The following MACROD2 variants were observed in gnomAD, a reference collection of about 807,000 sequenced individuals.
The protein encoded by MACROD2 is ADP-ribose glycohydrolase MACROD2.
MACROD2 carries 36 observed loss-of-function variants against 70.4 expected under a neutral mutation model. The ratio of observed to expected loss-of-function variants is 0.51; its 90% CI spans 0.39 to 0.68. MACROD2 has a LOEUF of 0.68. Ranked by LOEUF, MACROD2 falls within the 30% of genes least tolerant of loss-of-function variation. The pLI, the probability that MACROD2 is intolerant of heterozygous loss-of-function variation, is 0.00. For synonymous variants in MACROD2, 172 were observed against 178.8 expected (o/e 0.96, Z 0.30); for missense variants, 496 against 538.4 (o/e 0.92, Z 0.78).
chr20:15,536,443 G>C (rs2047876016), intron 8 of MACROD2, among the ~76,000 whole-genome samples: 1 of 152,162 alleles, frequency 6.6e-6, no homozygotes, highest in African/African-American at 2.4e-5. Flanking sequence ...AAGAAATAAG[G>C]AAGCTGCATG....
intron 11 of MACROD2, among the ~76,000 whole-genome samples, chr20:15,935,379 G>A (rs1018094745): frequency 3.9e-5 from 6 of 152,176 alleles, no homozygotes; most frequent in African/African-American, 1.2e-4. Context: ...CCTGGCCAGT[G>A]TCAACACACA....
chr20:15,650,952 A>G (rs1318280965), intron 8 of MACROD2, among the ~76,000 whole-genome samples: 1 of 152,206 alleles, frequency 6.6e-6, no homozygotes, highest in African/African-American at 2.4e-5. Flanking sequence ...TAGCCTTTCT[A>G]TCTGCTCTTG....
intron 5 of MACROD2, among the ~76,000 whole-genome samples, chr20:14,865,279 G>C (rs1014765985): frequency 7.9e-5 from 12 of 152,082 alleles, no homozygotes; most frequent in Non-Finnish European, 1.3e-4. Context: ...CAAGGTTCCA[G>C]CTTACTCCAT....
At position 14,712,776 on chromosome 20, in the gene MACROD2, A is replaced by G. The variant is rs1372123850; in HGVS notation, c.418+27817A>G. On this transcript the variant is annotated intron_variant, in intron 5 of 17. Coordinates refer to ENST00000684519, the MANE Select transcript of MACROD2 (RefSeq NM_001351661.2). ...TTTTGATTTTTAATCTCACTCAGTT[A>G]GACTGTTGGGAAGAGAATACAATAG... Among the ~76,000 whole-genome samples the G allele has an allele frequency of 5.3e-5, 8 of 152,090 alleles. No individual in the cohort carries two copies. The East Asian group carries it at 1.5e-3, about 29-fold the overall frequency.
intron 13 of MACROD2, among the ~76,000 whole-genome samples, chr20:15,983,550 T>C (rs1015798508): frequency 2.0e-5 from 3 of 152,158 alleles, no homozygotes; most frequent in Admixed American, 2.0e-4. Context: ...AGACACAAAG[T>C]GAACTTAGTG....
intron 5 of MACROD2, among the ~76,000 whole-genome samples, chr20:15,109,562 G>C (rs910404972): frequency 5.3e-5 from 8 of 152,152 alleles, no homozygotes; most frequent in Non-Finnish European, 1.0e-4. Context: ...TATGTCATTT[G>C]TAGAGGCAGG....
chr20:15,524,996 G>A (rs1464823545), intron 8 of MACROD2, among the ~76,000 whole-genome samples: 1 of 152,132 alleles, frequency 6.6e-6, no homozygotes, highest in Non-Finnish European at 1.5e-5. Context: ...GTTCTTTCTG[G>A]TATTGGCTCT....
intron 4 of MACROD2, among the ~76,000 whole-genome samples, chr20:14,553,669 G>A (rs1978822136): frequency 6.6e-6 from 1 of 151,926 alleles, no homozygotes; most frequent in African/African-American, 2.4e-5. Flanking sequence ...TAATCTTATG[G>A]GATCACCTTG....
chr20:15,868,823 G>C (rs1328972501), intron 9 of MACROD2, among the ~76,000 whole-genome samples: 1 of 151,968 alleles, frequency 6.6e-6, no homozygotes, highest in Non-Finnish European at 1.5e-5. Flanking sequence ...CATCTAGACT[G>C]GAGCGCAGTA....
At chr20:15,686,116 A>T (rs1233616335) in intron 8 of MACROD2, among the ~76,000 whole-genome samples, 1 of 152,226 alleles carries the variant, frequency 6.6e-6, no homozygotes, top group Non-Finnish European at 1.5e-5. Context: ...AGACAATGAG[A>T]TGATTGATGG....
At chr20:16,010,256 A>G (rs1048665006) in intron 15 of MACROD2, among the ~76,000 whole-genome samples, 7 of 152,170 alleles carry the variant, frequency 4.6e-5, no homozygotes, top group Non-Finnish European at 1.0e-4. Flanking sequence ...ACAGCACTAC[A>G]CAGCCTAATT....
At chr20:15,320,022 A>C (rs902071596) in intron 6 of MACROD2, among the ~76,000 whole-genome samples, 17 of 152,216 alleles carry the variant, frequency 1.1e-4, no homozygotes, top group Non-Finnish European at 2.1e-4. Context: ...CAGCCTGGCC[A>C]ACATGGTGAA....
At chr20:14,403,308 C>T (rs995055693) in intron 3 of MACROD2, among the ~76,000 whole-genome samples, 9 of 152,058 alleles carry the variant, frequency 5.9e-5, no homozygotes, top group Non-Finnish European at 1.2e-4. Flanking sequence ...ACTTTATTTA[C>T]AAAAAATTGT....
chr20:14,887,453 C>T (rs1415406469), intron 5 of MACROD2, among the ~76,000 whole-genome samples: 1 of 149,866 alleles, frequency 6.7e-6, no homozygotes, highest in Non-Finnish European at 1.5e-5. Context: ...AGTGCAGTGG[C>T]ATGATGTCGG....
intron 9 of MACROD2, among the ~76,000 whole-genome samples, chr20:15,884,319 C>G (rs935445550): frequency 1.1e-4 from 17 of 152,050 alleles, no homozygotes; most frequent in African/African-American, 4.1e-4. Flanking sequence ...GCATTGCTAG[C>G]AGGACCAAGG....
intron 5 of MACROD2, among the ~76,000 whole-genome samples, chr20:15,128,765 C>T (rs1345058951): frequency 6.6e-6 from 1 of 151,962 alleles, no homozygotes; most frequent in Non-Finnish European, 1.5e-5. Flanking sequence ...CATTCACCCA[C>T]ACACTCTTTT....
At chr20:15,184,039 A>T (rs1449254653) in intron 5 of MACROD2, among the ~76,000 whole-genome samples, 1 of 152,204 alleles carries the variant, frequency 6.6e-6, no homozygotes, top group Non-Finnish European at 1.5e-5. Flanking sequence ...AAGGGATCAG[A>T]TGCTACTCAG....
intron 3 of MACROD2, among the ~76,000 whole-genome samples, chr20:14,106,349 A>T (rs1232631352): frequency 3.9e-5 from 6 of 152,156 alleles, no homozygotes; most frequent in Non-Finnish European, 8.8e-5. Flanking sequence ...GAAGGACTTT[A>T]TCTTGTGGTT....
At chr20:15,121,541 A>G (rs563833848) in intron 5 of MACROD2, among the ~76,000 whole-genome samples, 16 of 151,798 alleles carry the variant, frequency 1.1e-4, no homozygotes, top group Admixed American at 8.5e-4. Context: ...GAAAAAAGAA[A>G]GAAAATGCCC....
Sources: allele counts gnomAD v4.1 joint callset (sites outside exome capture counted in the v4.1 genomes callset), GRCh38; gene constraint gnomAD v4.1.1; transcripts MANE v1.5; gene names NCBI Gene and HGNC (gene_info 2026-07-23, HGNC 2026-07-21).